Variants in SERPINA11 observed in about 807,000 individuals in gnomAD.
SERPINA11 encodes the protein serpin A11.
Under a neutral mutation model 29.4 loss-of-function variants are expected in SERPINA11, and 28 were observed. The ratio of observed to expected loss-of-function variants is 0.95; its 90% CI spans 0.70 to 1.30. The LOEUF (loss-of-function observed/expected upper bound fraction) is 1.30. SERPINA11 is among the 50% of genes most tolerant of loss of function. The probability of loss-of-function intolerance (pLI) is 0.00; values close to 1 mark genes in which losing one functional copy is unlikely to be tolerated. For synonymous variants in SERPINA11, 253 were observed against 206.6 expected, an observed-to-expected ratio of 1.22 and a Z score of -1.92; for missense variants, 530 against 507.3, an observed-to-expected ratio of 1.04 and a Z score of -0.43.
chr14:94,449,406 A>ATTCTTTCTTTCT (rs869124586), intron 1 of SERPINA11, among the ~76,000 whole-genome samples: 53 of 40,678 alleles, frequency 1.3e-3, no homozygotes, highest in African/African-American at 1.5e-3. Context: ...CTTTCTTTCT[A>ATTCTTTCTTTCT]TTCTTTCTTT....
At chr14:94,444,050 A>T (rs1408338636) in intron 3 of SERPINA11, among the ~76,000 whole-genome samples, 2 of 151,984 alleles carry the variant, frequency 1.3e-5, no homozygotes, top group Non-Finnish European at 2.9e-5. Flanking sequence ...GGCTGGTTTG[A>T]CTCCTGGGCA....
Position 94,442,791 on chromosome 14 carries a change from C to CCAT in SERPINA11, c.1081_1083dup (p.Met361dup). On this transcript the variant is annotated inframe_insertion, in exon 5 of 5. Transcript: ENST00000334708. ...TCGGTCCCCTTCTCACTCATGTCCA[C>CCAT]CATCGCCTTGTGTGACACCTAGAGG... 6.2e-7 allele frequency: 1 copy of CCAT among 1,608,438 alleles called. No homozygotes were observed. The highest frequency in any genetic ancestry group is 8.5e-7 in the Non-Finnish European group (1 of 1,177,582).
At chr14:94,447,355 A>G (rs1441665761) in intron 2 of SERPINA11, among the ~76,000 whole-genome samples, 1 of 152,148 alleles carries the variant, frequency 6.6e-6, no homozygotes, top group Non-Finnish European at 1.5e-5. Flanking sequence ...ATCCTGTCCT[A>G]CATACCCACA....
At chr14:94,445,486 T>G (rs1898416426) in intron 3 of SERPINA11, among the ~76,000 whole-genome samples, 8 of 152,222 alleles carry the variant, frequency 5.3e-5, no homozygotes, top group Admixed American at 5.2e-4. Flanking sequence ...AAACAGGAAC[T>G]TTAATGTTTA....
intron 3 of SERPINA11, 110 bp downstream of exon 3, chr14:94,446,221 G>T (rs1898434322): frequency 7.6e-6 from 8 of 1,052,222 alleles, no homozygotes; most frequent in Non-Finnish European, 1.1e-5. Context: ...TAAAGGACAA[G>T]ATGGTGAGCC....
Position 94,448,334 on chromosome 14 carries a change from T to C in SERPINA11, c.441A>G (p.Leu147=). ...VGNSLFLDKR[L]KPRQHYLDSI... ...TGTCCAAATAGTGCTGCCGAGGCTT[T>C]AGTCGCTTGTCTAGGAACAGGGAGT... Residue 147 remains leucine, a synonymous_variant, in exon 2 of 5, where the codon CTA becomes CTG. Coordinates refer to ENST00000334708, the MANE Select transcript of SERPINA11 (RefSeq NM_001080451.2). 1 of 1,614,252 alleles carries C rather than the reference T, an allele frequency of 6.2e-7. No homozygotes were observed. The highest frequency in any genetic ancestry group is 8.5e-7 in the Non-Finnish European group (1 of 1,180,042).
intron 2 of SERPINA11, 77 bp downstream of exon 2, chr14:94,448,055 C>A: frequency 7.2e-7 from 1 of 1,397,558 alleles, no homozygotes; most frequent in Non-Finnish European, 9.9e-7. Flanking sequence ...TAGCAAAGAA[C>A]CTATTAGCTG....
intron 1 of SERPINA11, among the ~76,000 whole-genome samples, chr14:94,450,196 G>A (rs932849518): frequency 1.3e-5 from 2 of 152,092 alleles, no homozygotes; most frequent in African/African-American, 4.8e-5. Flanking sequence ...CAGGGCTGTG[G>A]GGATGATGTC....
At chr14:94,444,817 C>T (rs531240776) in intron 3 of SERPINA11, among the ~76,000 whole-genome samples, 30 of 152,134 alleles carry the variant, frequency 2.0e-4, no homozygotes, top group Non-Finnish European at 2.2e-4. Flanking sequence ...TCAAGATGAC[C>T]GTCAAAAGGT....
intron 4 of SERPINA11, 33 bp from the exon 5 acceptor site, chr14:94,442,842 G>T (rs1457556209): frequency 6.5e-7 from 1 of 1,538,272 alleles, no homozygotes; most frequent in Admixed American, 1.9e-5. Context: ...GACAGCATCA[G>T]TTTGGGGGCC....
Position 94,442,760 on chromosome 14 carries a change from C to T in SERPINA11, c.1115G>A (p.Gly372Glu), listed in dbSNP as rs762008149. ...CTGGGAGAGGAGGCCTGAAGCAGCC[C>T]CGGCCTCGGTCCCCTTCTCACTCAT... ...VDMSEKGTEA[G>E]AASGLLSQPP... The change falls in exon 5 of 5, where the codon GGG becomes GAG. Residue 372 changes from glycine (G) to glutamate (E), a missense_variant. Physicochemically the swap from Gly to Glu is moderately conservative, Grantham distance 98. Transcript: ENST00000334708. 5 of 1,612,988 alleles carry T rather than the reference C, an allele frequency of 3.1e-6. No individual in the cohort carries two copies.
rs1486424022 is a variant in SERPINA11, at chr14:94,448,579, C to T, written c.196G>A (p.Ala66Thr). 3.1e-6 allele frequency: 5 copies of T among 1,614,004 alleles called. No homozygotes were observed. The highest frequency in any genetic ancestry group is 4.2e-6 in the Non-Finnish European group (5 of 1,180,030). ...AAGATGTTTCCGGGGGCGTCTGCTG[C>T]CAGCTCTTTATACAAACGCAAAGCA... ...NFALRLYKEL[A>T]ADAPGNIFFS... is the part of the protein sequence containing the mutation. Residue 66 changes from alanine to threonine, a missense_variant, in exon 2 of 5, where the codon GCA (alanine) becomes ACA (threonine). Coordinates refer to ENST00000334708, the MANE Select transcript of SERPINA11 (RefSeq NM_001080451.2).
At chr14:94,449,043 T>C (rs1898507307) in intron 1 of SERPINA11, among the ~76,000 whole-genome samples, 1 of 152,054 alleles carries the variant, frequency 6.6e-6, no homozygotes, top group Non-Finnish European at 1.5e-5. Flanking sequence ...ACAATAGCAA[T>C]AACAACAACA....
chr14:94,451,804 T>C (rs1434546939), intron 1 of SERPINA11, among the ~76,000 whole-genome samples: 2 of 152,252 alleles, frequency 1.3e-5, no homozygotes, highest in African/African-American at 4.8e-5. Context: ...GCTCCAGGCA[T>C]GCCGAAAGTA....
In SERPINA11 at chr14:94,449,515, TTCTTTCTTTCTTTTTC is replaced by T. The variant is rs1566784854; in HGVS notation, c.-3-754_-3-739del. Among the ~76,000 whole-genome samples, 14 of 147,012 alleles carry T rather than the reference TTCTTTCTTTCTTTTTC, an allele frequency of 9.5e-5. 1 individual carries two copies. The highest frequency in any genetic ancestry group is 3.1e-4 in the African/African-American group (12 of 39,226). On this transcript the variant is annotated intron_variant, in intron 1 of 4. Transcript: ENST00000334708. The stretch of plus-strand genomic sequence containing the variant: ...TGTCTTTCTTTCTCTTTCTTTTTCT[TTCTTTCTTTCTTTTTC>T]TTTCTTTCTTTCTCTTTCTCTTTCT...
intron 2 of SERPINA11, among the ~76,000 whole-genome samples, chr14:94,447,046 A>G (rs917011183): frequency 1.3e-5 from 2 of 152,204 alleles, no homozygotes; most frequent in Admixed American, 6.5e-5. Context: ...CAAACACTGA[A>G]TTAATCCTTC....
In SERPINA11 at chr14:94,446,331, C is replaced by G; in HGVS notation, c.917G>C (p.Ser306Thr). The part of the protein sequence containing the change: ...LRKWGQLLLP[S>T]LLDLHLPRFS... ...AGCATCCTTCTGCTGTGACACTTAC[C>G]TGGGCAGGAGCAATTGGCCCCATTT... is the stretch of plus-strand genomic sequence containing the variant. The change falls in exon 3 of 5, where the codon AGT becomes ACT. Residue 306 changes from serine (S) to threonine (T), a missense_variant and splice_region_variant. Physicochemically the swap from Ser to Thr is moderately conservative, Grantham distance 58. Transcript: ENST00000334708. 2 of 1,611,774 alleles carry G rather than the reference C, an allele frequency of 1.2e-6. No individual in the cohort carries two copies. The highest frequency in any genetic ancestry group is 1.7e-6 in the Non-Finnish European group (2 of 1,179,452).
At chr14:94,449,509 T>TTTTC (rs1158130670) in intron 1 of SERPINA11, among the ~76,000 whole-genome samples, 71 of 128,234 alleles carry the variant, frequency 5.5e-4, no homozygotes, top group African/African-American at 2.7e-3. Flanking sequence ...TTCTCTTTCT[T>TTTTC]TTTCTTTCTT....
At position 94,443,180 on chromosome 14, in the gene SERPINA11, A is replaced by G. The variant is rs370940391; in HGVS notation, c.963T>C (p.Tyr321=). Residue 321 remains tyrosine, a synonymous_variant, in exon 4 of 5, where the codon TAT becomes TAC. Transcript: ENST00000334708. ...TTTGGGGAAGTATGTCTTCCAGGTT[A>G]TATGTTCCAGAAATTGAAAACCTTG... ...HLPRFSISGT[Y]NLEDILPQIG... 1.1e-5 allele frequency: 18 copies of G among 1,613,890 alleles called. No individual in the cohort carries two copies. Among genetic ancestry groups the G allele is most frequent in the Admixed American group, 3.3e-5 (2 of 59,988 alleles).
Sources: gnomAD v4.1 joint callset for allele counts (sites outside exome capture counted in the v4.1 genomes callset) on GRCh38, gnomAD v4.1.1 for gene constraint, MANE v1.5 for transcripts, NCBI Gene and HGNC (gene_info 2026-07-23, HGNC 2026-07-21) for gene names.